Variants in NHEJ1 observed in about 807,000 individuals in gnomAD.
NHEJ1 encodes non-homologous end joining factor 1, also known as non-homologous end-joining factor 1.
NHEJ1 carries 22 observed loss-of-function variants against 39.4 expected under a neutral mutation model. That is an observed-to-expected ratio of 0.56 (90% confidence interval 0.40 to 0.80). The LOEUF is 0.80. NHEJ1 is among the 30% of genes least tolerant of loss of function. NHEJ1 has a pLI of 0.00. For missense variants in NHEJ1, 329 were observed against 357.1 expected (o/e 0.92, Z 0.63); for synonymous variants, 154 against 135.6 (o/e 1.14, Z -0.94).
chr2:219,099,404 T>G (rs553865938), intron 5 of NHEJ1, among the ~76,000 whole-genome samples: 4 of 152,306 alleles, frequency 2.6e-5, no homozygotes, highest in Admixed American at 2.6e-4. Flanking sequence ...CCTCCCCTTG[T>G]TGAGAACCAC....
rs924299815 is a variant in NHEJ1, at chr2:219,073,520, C to T, written c.*2861G>A. Among the ~76,000 whole-genome samples the T allele has an allele frequency of 6.6e-6, 1 of 152,202 alleles. No homozygotes were observed. Among genetic ancestry groups the T allele is most frequent in the Non-Finnish European group, 1.5e-5 (1 of 68,036 alleles). Reference sequence around the variant, plus strand: ...CTTTCTCTCCAAGCAGGGAGCATGCCTGTCCTAGCTAACTATGGGGGACCA... The same window carrying T: ...CTTTCTCTCCAAGCAGGGAGCATGCTTGTCCTAGCTAACTATGGGGGACCA... On this transcript the variant is annotated 3_prime_UTR_variant, in exon 8 of 8. Coordinates refer to ENST00000356853, the MANE Select transcript of NHEJ1 (RefSeq NM_024782.3).
In NHEJ1 at chr2:219,077,245, C is replaced by G; in HGVS notation, c.825+1G>C. On this transcript the variant is annotated splice_donor_variant, in intron 7 of 7. Coordinates refer to ENST00000356853, the MANE Select transcript of NHEJ1 (RefSeq NM_024782.3). LOFTEE classifies it high-confidence loss of function. ...CATCCAGGAAGCTGCTCATGACTCACCGTGGACTCTTTCTCAGGTGCTGAG... is the reference window on the plus strand; with the variant it reads ...CATCCAGGAAGCTGCTCATGACTCAGCGTGGACTCTTTCTCAGGTGCTGAG... 1 of 1,611,204 alleles carries G rather than the reference C, an allele frequency of 6.2e-7. No homozygotes were observed. Among genetic ancestry groups the G allele is most frequent in the Non-Finnish European group, 8.5e-7 (1 of 1,177,418 alleles).
intron 5 of NHEJ1, among the ~76,000 whole-genome samples, chr2:219,102,161 T>G (rs183068488): frequency 2.8e-4 from 43 of 152,342 alleles, no homozygotes; most frequent in Admixed American, 2.8e-3. Flanking sequence ...TTTGCATGTT[T>G]AATAATTTTA....
Position 219,073,308 on chromosome 2 carries a change from A to C in NHEJ1, c.*3073T>G, listed in dbSNP as rs1299134466. On this transcript the variant is annotated 3_prime_UTR_variant, in exon 8 of 8. Transcript: ENST00000356853. ...AAGCTTTCTTCCTGCCTTCTCAATA[A>C]CTTTACTATCCCTTGGAAATCCTCC... Among the ~76,000 whole-genome samples, 1 of 152,130 alleles carries C rather than the reference A, an allele frequency of 6.6e-6. No homozygotes were observed. The highest frequency in any genetic ancestry group is 1.5e-5 in the Non-Finnish European group (1 of 68,016).
chr2:219,134,653 T>G (rs1949607852), intron 5 of NHEJ1, among the ~76,000 whole-genome samples: 1 of 152,208 alleles, frequency 6.6e-6, no homozygotes, highest in African/African-American at 2.4e-5. Flanking sequence ...TCAAATCTAT[T>G]TTCTGTAGAC....
At chr2:219,133,723 G>C (rs935921558) in intron 5 of NHEJ1, among the ~76,000 whole-genome samples, 2 of 152,168 alleles carry the variant, frequency 1.3e-5, no homozygotes, top group African/African-American at 4.8e-5. Flanking sequence ...AATGCCCTTG[G>C]AAAAGACTTT....
intron 5 of NHEJ1, among the ~76,000 whole-genome samples, chr2:219,091,773 T>C (rs1004857101): frequency 1.3e-5 from 2 of 152,184 alleles, no homozygotes; most frequent in African/African-American, 4.8e-5. Flanking sequence ...TGAAAAAGCT[T>C]CTTTAAATTT....
chr2:219,070,227 C>T lies in NHEJ1; in HGVS notation c.*6154G>A, dbSNP rs763319067. ...TTTGAGATGGAGTCTTGCTCTGTCG[C>T]CCAGGGTGGAGTGCAGTGGCACGAT... On this transcript the variant is annotated 3_prime_UTR_variant, in exon 8 of 8. Coordinates refer to ENST00000356853, the MANE Select transcript of NHEJ1 (RefSeq NM_024782.3). Among the ~76,000 whole-genome samples the T allele has an allele frequency of 6.6e-6, 1 of 152,156 alleles. No homozygotes were observed. The highest frequency in any genetic ancestry group is 1.5e-5 in the Non-Finnish European group (1 of 68,022).
Position 219,097,479 on chromosome 2 carries a change from T to C in NHEJ1, c.589-19273A>G, listed in dbSNP as rs1043557251. On this transcript the variant is annotated intron_variant, in intron 5 of 7. Coordinates refer to ENST00000356853, the MANE Select transcript of NHEJ1 (RefSeq NM_024782.3). ...AGATTTATTTGTTTCAGACACAGAATCTTGCTATATTGTCCATGCTGGATT... is the reference window on the plus strand; with the variant it reads ...AGATTTATTTGTTTCAGACACAGAACCTTGCTATATTGTCCATGCTGGATT... Among the ~76,000 whole-genome samples, 7 of 152,202 alleles carry C rather than the reference T, an allele frequency of 4.6e-5. No homozygotes were observed. In the South Asian group the frequency reaches 1.0e-3, roughly 22 times the overall value.
chr2:219,157,566 C>A lies in NHEJ1; in HGVS notation c.296G>T (p.Cys99Phe), dbSNP rs1949866694. ...CCGTAGAATCAGTGCATCTGCCACA[C>A]AATCACAGGAGAAGGTAGCTTCGCT... Reference protein sequence around the residue: ...HPSEATFSCDCVADALILRVR... With the variant: ...HPSEATFSCDFVADALILRVR... The change falls in exon 3 of 8, where the codon TGT becomes TTT. Residue 99 changes from cysteine (C) to phenylalanine (F), a missense_variant. By Grantham distance (205) the Cys-to-Phe change is radical (BLOSUM62 -2). Transcript: ENST00000356853. The A allele has an allele frequency of 1.9e-6, 3 of 1,614,076 alleles. No individual in the cohort carries two copies. Among genetic ancestry groups the A allele is most frequent in the African/African-American group, 2.7e-5 (2 of 74,918 alleles).
intron 1 of NHEJ1, 102 bp from the exon 2 acceptor site, chr2:219,158,464 C>T: frequency 1.8e-6 from 2 of 1,132,032 alleles, no homozygotes. Flanking sequence ...CATGAAAATC[C>T]TCCCTGATAA....
chr2:219,151,666 T>C (rs1016524124), intron 3 of NHEJ1, among the ~76,000 whole-genome samples: 1 of 152,068 alleles, frequency 6.6e-6, no homozygotes, highest in Non-Finnish European at 1.5e-5. Flanking sequence ...ATTTTGAAAA[T>C]ATGTGTTAAT....
chr2:219,121,791 A>G (rs1180840425), intron 5 of NHEJ1, among the ~76,000 whole-genome samples: 1 of 151,010 alleles, frequency 6.6e-6, no homozygotes, highest in Non-Finnish European at 1.5e-5. Context: ...GCACCACCAC[A>G]CTCCAGCCTG....
At chr2:219,085,048 C>T (rs1362786806) in intron 5 of NHEJ1, among the ~76,000 whole-genome samples, 1 of 152,186 alleles carries the variant, frequency 6.6e-6, no homozygotes, top group African/African-American at 2.4e-5. Context: ...TATGTCATTT[C>T]CATTTTTAAG....
chr2:219,121,860 C>G (rs1296540742), intron 5 of NHEJ1, among the ~76,000 whole-genome samples: 4 of 151,720 alleles, frequency 2.6e-5, no homozygotes, highest in Admixed American at 1.3e-4. Flanking sequence ...TGTTTAAAAA[C>G]CTGAAGAGCT....
At chr2:219,113,409 AG>A (rs1310479251) in intron 5 of NHEJ1, among the ~76,000 whole-genome samples, 1 of 152,200 alleles carries the variant, frequency 6.6e-6, no homozygotes, top group Non-Finnish European at 1.5e-5. Flanking sequence ...ACTATCCTCC[AG>A]GTAGGGACCA....
At chr2:219,086,214 T>C (rs1949110241) in intron 5 of NHEJ1, among the ~76,000 whole-genome samples, 1 of 152,238 alleles carries the variant, frequency 6.6e-6, no homozygotes, top group African/African-American at 2.4e-5. Flanking sequence ...TGGGGTTTTT[T>C]TCTTATTTAC....
intron 5 of NHEJ1, among the ~76,000 whole-genome samples, chr2:219,107,810 A>G (rs1949327790): frequency 1.3e-5 from 2 of 152,064 alleles, no homozygotes; most frequent in African/African-American, 4.8e-5. Context: ...AAGCTCCAAG[A>G]TATACATATG....
At chr2:219,152,789 T>TTTTA (rs372977188) in intron 3 of NHEJ1, among the ~76,000 whole-genome samples, 1,418 of 87,752 alleles carry the variant, frequency 0.016, 24 homozygotes, top group African/African-American at 0.043. Context: ...ATTTATTTAT[T>TTTTA]TTTATTTATT....
Sources: gnomAD v4.1 joint callset for allele counts (sites outside exome capture counted in the v4.1 genomes callset) on GRCh38, gnomAD v4.1.1 for gene constraint, MANE v1.5 for transcripts, NCBI Gene and HGNC (gene_info 2026-07-23, HGNC 2026-07-21) for gene names.